Variants in B3GALT1 observed in about 807,000 individuals in gnomAD.
B3GALT1 encodes the protein UDP-Gal:betaGlcNAc beta 1,3-galactosyltransferase, polypeptide 1.
Under a neutral mutation model 23.2 loss-of-function variants are expected in B3GALT1, and 10 were observed. That is an observed-to-expected ratio of 0.43 (90% CI 0.27 to 0.73). The LOEUF (loss-of-function observed/expected upper bound fraction) is 0.73. Ranked by LOEUF, B3GALT1 falls within the 30% of genes least tolerant of loss-of-function variation. The pLI, the probability that B3GALT1 is intolerant of heterozygous loss-of-function variation, is 0.21. For synonymous variants in B3GALT1, 156 were observed against 141.5 expected (o/e 1.10, Z -0.73); for missense variants, 299 against 405.4 (o/e 0.74, Z 2.25).
intron 1 of B3GALT1, among the ~76,000 whole-genome samples, chr2:167,365,894 C>G (rs1016777003): frequency 6.6e-6 from 1 of 152,018 alleles, no homozygotes; most frequent in African/African-American, 2.4e-5. Context: ...AATAATTGTC[C>G]TTAATTTATG....
At chr2:167,446,190 C>T (rs1698988021) in intron 1 of B3GALT1, among the ~76,000 whole-genome samples, 1 of 152,174 alleles carries the variant, frequency 6.6e-6, no homozygotes, top group South Asian at 2.1e-4. Flanking sequence ...TGAATATTGG[C>T]CCCCACTTTC....
chr2:167,380,142 G>A (rs1337111613), intron 1 of B3GALT1, among the ~76,000 whole-genome samples: 2 of 151,960 alleles, frequency 1.3e-5, no homozygotes, highest in African/African-American at 2.4e-5. Context: ...CTTGTAGATC[G>A]GTTTGGACAT....
At chr2:167,431,081 C>T (rs576178197) in intron 1 of B3GALT1, among the ~76,000 whole-genome samples, 1 of 152,268 alleles carries the variant, frequency 6.6e-6, no homozygotes, top group African/African-American at 2.4e-5. Flanking sequence ...TAGGGAAAAT[C>T]CATGTACTTT....
chr2:167,352,736 CAAA>C, intron 1 of B3GALT1, among the ~76,000 whole-genome samples: 1 of 7,374 alleles, frequency 1.4e-4, no homozygotes, highest in East Asian at 0.019. Context: ...GAAAAAAAAA[CAAA>C]CAAACTGTAC....
At position 167,377,275 on chromosome 2, in the gene B3GALT1, A is replaced by G. The variant is rs535600577; in HGVS notation, c.-511+83941A>G. On this transcript the variant is annotated intron_variant, in intron 1 of 4. Transcript: ENST00000392690. The stretch of plus-strand genomic sequence containing the variant: ...CCAAGTATGTGGTAGATCTTGGAGT[A>G]TGTTCTGTGTGCAGATGAGAGGAAT... Among the ~76,000 whole-genome samples, 6 of 151,912 alleles carry G rather than the reference A, an allele frequency of 3.9e-5. No homozygotes were observed. The South Asian group carries it at 1.0e-3, about 26-fold the overall frequency.
chr2:167,411,124 G>A (rs1447683020), intron 1 of B3GALT1, among the ~76,000 whole-genome samples: 3 of 151,008 alleles, frequency 2.0e-5, no homozygotes, highest in African/African-American at 7.3e-5. Flanking sequence ...CCAGAACATT[G>A]GTCTAAACAA....
At chr2:167,661,304 A>G (rs138197464) in intron 3 of B3GALT1, among the ~76,000 whole-genome samples, 4 of 152,208 alleles carry the variant, frequency 2.6e-5, no homozygotes, top group African/African-American at 9.6e-5. Flanking sequence ...TCTATTATAT[A>G]CTATGGTAGG....
intron 3 of B3GALT1, among the ~76,000 whole-genome samples, chr2:167,753,914 G>A (rs1687777226): frequency 6.6e-6 from 1 of 152,026 alleles, no homozygotes; most frequent in South Asian, 2.1e-4. Context: ...TATTCAATAG[G>A]GATAATGGAA....
intron 2 of B3GALT1, among the ~76,000 whole-genome samples, chr2:167,530,827 A>G (rs1683314424): frequency 6.6e-6 from 1 of 152,154 alleles, no homozygotes; most frequent in African/African-American, 2.4e-5. Flanking sequence ...ATTTAATCAC[A>G]CCAGTTTAAG....
chr2:167,312,764 C>A (rs956565691), intron 1 of B3GALT1, among the ~76,000 whole-genome samples: 4 of 152,052 alleles, frequency 2.6e-5, no homozygotes, highest in African/African-American at 7.2e-5. Flanking sequence ...AACTATCACT[C>A]TTCACTTTGA....
At chr2:167,759,995 ATGGTCT>A (rs1390159296) in intron 3 of B3GALT1, among the ~76,000 whole-genome samples, 1 of 152,140 alleles carries the variant, frequency 6.6e-6, no homozygotes, top group Non-Finnish European at 1.5e-5. Context: ...ATACATGACT[ATGGTCT>A]TGGATTTATT....
chr2:167,758,295 C>T lies in B3GALT1; in HGVS notation c.-351-60377C>T, dbSNP rs61209148. 5.2e-3 allele frequency among the ~76,000 whole-genome samples: 798 copies of T among 152,262 alleles called. 11 individuals carry two copies. Among genetic ancestry groups the T allele is most frequent in the African/African-American group, 0.018 (757 of 41,554 alleles). ...CACTTGTGAATATCTGCATCTGCCT[C>T]ATTAGATCACAGCTCCTATAGACAG... On this transcript the variant is annotated intron_variant, in intron 3 of 4. Transcript: ENST00000392690.
chr2:167,392,794 A>G (rs1698034912), intron 1 of B3GALT1, among the ~76,000 whole-genome samples: 1 of 152,160 alleles, frequency 6.6e-6, no homozygotes, highest in South Asian at 2.1e-4. Context: ...TTTGACTTAT[A>G]TTATAATTTA....
intron 1 of B3GALT1, among the ~76,000 whole-genome samples, chr2:167,421,218 A>G (rs1698542594): frequency 6.6e-6 from 1 of 152,200 alleles, no homozygotes. Context: ...CTTAGATAAA[A>G]TTAGGAATTC....
intron 3 of B3GALT1, among the ~76,000 whole-genome samples, chr2:167,671,108 C>A (rs529946512): frequency 6.6e-6 from 1 of 152,062 alleles, no homozygotes. Flanking sequence ...CATATAATGA[C>A]AAAGGATGTA....
chr2:167,471,760 A>G (rs561449112), intron 1 of B3GALT1, among the ~76,000 whole-genome samples: 2 of 152,350 alleles, frequency 1.3e-5, no homozygotes, highest in African/African-American at 4.8e-5. Flanking sequence ...CCTTTAAAGT[A>G]GGAGTGATGA....
At chr2:167,666,325 T>A (rs1463453147) in intron 3 of B3GALT1, among the ~76,000 whole-genome samples, 1 of 152,222 alleles carries the variant, frequency 6.6e-6, no homozygotes, top group South Asian at 2.1e-4. Flanking sequence ...CAGTTTGTTA[T>A]AATTTCTGTT....
chr2:167,362,590 A>T (rs1697514981), intron 1 of B3GALT1, among the ~76,000 whole-genome samples: 1 of 151,692 alleles, frequency 6.6e-6, no homozygotes, highest in African/African-American at 2.4e-5. Context: ...TCCTTCATCC[A>T]TGTCCCCGTT....
chr2:167,863,179 C>A (rs1174704773), intron 4 of B3GALT1, among the ~76,000 whole-genome samples: 1 of 147,830 alleles, frequency 6.8e-6, no homozygotes, highest in Admixed American at 6.7e-5. Flanking sequence ...TTTTTTTTTT[C>A]TTTTCAGTGG....
Sources: allele counts gnomAD v4.1 joint callset (sites outside exome capture counted in the v4.1 genomes callset), GRCh38; gene constraint gnomAD v4.1.1; transcripts MANE v1.5; gene names NCBI Gene and HGNC (gene_info 2026-07-23, HGNC 2026-07-21).